Variants in BBS7 observed in about 807,000 individuals in gnomAD.
BBS7 encodes Bardet-Biedl syndrome 7, also known as BBSome complex member BBS7.
Under a neutral mutation model 90.3 loss-of-function variants are expected in BBS7, and 50 were observed. The ratio of observed to expected loss-of-function variants is 0.55; its 90% CI spans 0.44 to 0.70. The LOEUF is 0.70. Ranked by LOEUF, BBS7 falls within the 30% of genes least tolerant of loss-of-function variation. BBS7 has a pLI of 0.00. For synonymous variants in BBS7, 235 were observed against 287.4 expected (o/e 0.82, Z 1.85); for missense variants, 729 against 838.9 (o/e 0.87, Z 1.62).
At chr4:121,857,046 G>A (rs535877898) in intron 5 of BBS7, among the ~76,000 whole-genome samples, 1 of 152,164 alleles carries the variant, frequency 6.6e-6, no homozygotes, top group African/African-American at 2.4e-5. Flanking sequence ...TGGGATTACA[G>A]GCGTGAGCCA....
chr4:121,853,158 T>G, intron 7 of BBS7, 72 bp from the exon 8 acceptor site: 12 of 1,527,672 alleles, frequency 7.9e-6, no homozygotes, highest in Non-Finnish European at 1.1e-5. Flanking sequence ...CAAGTAAGAA[T>G]GAAAAAAACA....
At chr4:121,868,187 T>C (rs1727388821) in intron 1 of BBS7, 141 bp from the exon 2 acceptor site, 4 of 753,932 alleles carry the variant, frequency 5.3e-6, no homozygotes, top group Admixed American at 2.0e-5. Flanking sequence ...TAATGAGATA[T>C]GTCATATTAG....
intron 14 of BBS7, among the ~76,000 whole-genome samples, chr4:121,833,704 A>AT (rs1320317594): frequency 6.6e-6 from 1 of 151,878 alleles, no homozygotes; most frequent in African/African-American, 2.4e-5. Context: ...TAAAAAGTTT[A>AT]TTTTTTTATT....
At chr4:121,855,792 G>A (rs79065692) in intron 5 of BBS7, among the ~76,000 whole-genome samples, 6,534 of 114,084 alleles carry the variant, frequency 0.057, 461 homozygotes, top group African/African-American at 0.17. Context: ...ACATATATAC[G>A]TATATATACA....
intron 12 of BBS7, among the ~76,000 whole-genome samples, chr4:121,840,860 CAG>C (rs1401943496): frequency 1.4e-5 from 2 of 145,484 alleles, no homozygotes; most frequent in South Asian, 2.1e-4. Context: ...TTTTTTGAGA[CAG>C]AGTCTTGCTG....
intron 2 of BBS7, among the ~76,000 whole-genome samples, chr4:121,866,438 T>G (rs1484907030): frequency 6.6e-6 from 1 of 152,136 alleles, no homozygotes; most frequent in African/African-American, 2.4e-5. Context: ...AATTTTTTTG[T>G]ATTTCTAGTA....
At position 121,847,468 on chromosome 4, in the gene BBS7, C is replaced by T; in HGVS notation, c.973G>A (p.Glu325Lys). The change falls in exon 10 of 19, where the codon GAA becomes AAA. Residue 325 changes from glutamate to lysine, a missense_variant. By Grantham distance (56) the Glu-to-Lys change is moderately conservative. Transcript: ENST00000264499. The stretch of plus-strand genomic sequence containing the variant: ...TTTAGTTCTTCTCCTGGTCCACTTT[C>T]CTTATGAATGGGCTCTGTTGTCAGA... Reference protein sequence around the residue: ...TGLTTEPIHKESGPGEELKIN... With the variant: ...TGLTTEPIHKKSGPGEELKIN... The T allele has an allele frequency of 6.2e-7, 1 of 1,613,780 alleles. No individual in the cohort carries two copies. Among genetic ancestry groups the T allele is most frequent in the Non-Finnish European group, 8.5e-7 (1 of 1,179,830 alleles).
Position 121,846,680 on chromosome 4 carries a change from AT to A in BBS7, c.1037+723del, listed in dbSNP as rs139097670. Among the ~76,000 whole-genome samples, 423 of 152,314 alleles carry A rather than the reference AT, an allele frequency of 2.8e-3. 2 individuals are homozygous for A. Among genetic ancestry groups the A allele is most frequent in the African/African-American group, 9.8e-3 (406 of 41,572 alleles). The stretch of plus-strand genomic sequence containing the variant: ...ATCTGGTATACTTGTTTGCATGAAC[AT>A]TACAGTTTGCTCTCTGGTGGCTTTG... On this transcript the variant is annotated intron_variant, in intron 10 of 18. Coordinates refer to ENST00000264499, the MANE Select transcript of BBS7 (RefSeq NM_176824.3).
intron 8 of BBS7, among the ~76,000 whole-genome samples, chr4:121,849,594 C>T (rs142571205): frequency 0.044 from 6,625 of 152,126 alleles, 475 homozygotes; most frequent in African/African-American, 0.15. Context: ...TTTGGGAAGC[C>T]GAGGTGGGCG....
chr4:121,847,618 T>A (rs1349669065), intron 9 of BBS7, 112 bp from the exon 10 acceptor site: 1 of 779,856 alleles, frequency 1.3e-6, no homozygotes, highest in Non-Finnish European at 2.3e-6. Context: ...TCCACCAATA[T>A]CAGCCTAACT....
chr4:121,854,452 T>C (rs1050258324), intron 7 of BBS7, among the ~76,000 whole-genome samples: 1 of 152,146 alleles, frequency 6.6e-6, no homozygotes, highest in Admixed American at 6.5e-5. Context: ...CCAATTAAAA[T>C]TGGATTTTAG....
intron 15 of BBS7, among the ~76,000 whole-genome samples, chr4:121,829,237 C>CT (rs58186352): frequency 0.058 from 7,977 of 136,402 alleles, 748 homozygotes; most frequent in African/African-American, 0.19. Flanking sequence ...CATTATTTTT[C>CT]TTTTTTTTTT....
intron 4 of BBS7, among the ~76,000 whole-genome samples, chr4:121,860,123 A>T (rs1726896870): frequency 6.6e-6 from 1 of 152,044 alleles, no homozygotes; most frequent in African/African-American, 2.4e-5. Context: ...TCAGTTATTA[A>T]GTGGCCTCAC....
chr4:121,859,061 A>C lies in BBS7; in HGVS notation c.459T>G (p.Leu153=). The C allele has an allele frequency of 6.2e-7, 1 of 1,613,982 alleles. No individual in the cohort carries two copies. Among genetic ancestry groups the C allele is most frequent in the Non-Finnish European group, 8.5e-7 (1 of 1,179,892 alleles). ...TGATACGAGATAATCTTTCCACTGG[A>C]AGGCAGATCACATCATTGATTTTAT... ...SGDKINDVIC[L]PVERLSRITP... is the part of the protein sequence containing the mutation. Residue 153 remains leucine (L), a synonymous_variant, in exon 5 of 19, where the codon CTT becomes CTG. Transcript: ENST00000264499.
intron 2 of BBS7, among the ~76,000 whole-genome samples, chr4:121,865,944 G>A (rs2149092265): frequency 6.6e-6 from 1 of 152,048 alleles, no homozygotes; most frequent in South Asian, 2.1e-4. Context: ...ACTTCATTGT[G>A]GTTTGATTTG....
intron 5 of BBS7, chr4:121,858,580 C>T (rs1367185706): frequency 5.4e-6 from 1 of 185,772 alleles, no homozygotes; most frequent in Non-Finnish European, 1.1e-5. Context: ...ATTCCATATA[C>T]TTCCATAAAC....
rs748768695 is a variant in BBS7 at position 121,828,728 on chromosome 4, T to G, written c.1677A>C (p.Arg559Ser). ...CAGATTTAAAAACTCCCTCTCCTTT[T>G]CTATAAAATTAATATATTTTTTAAA... is the stretch of plus-strand genomic sequence containing the variant. Reference protein sequence around the residue: ...FLDTQLESTYRKGEGVFKSDN... With the variant: ...FLDTQLESTYSKGEGVFKSDN... Residue 559 changes from arginine (R) to serine (S), a missense_variant and splice_region_variant, in exon 16 of 19, where the codon AGA (arginine) becomes AGC (serine). By Grantham distance (110) the Arg-to-Ser change is moderately radical (BLOSUM62 -1). Transcript: ENST00000264499. 4 of 1,508,766 alleles carry G rather than the reference T, an allele frequency of 2.7e-6. No individual in the cohort carries two copies. In the South Asian group the frequency reaches 4.8e-5, roughly 18 times the overall value. 93.5% of individuals were successfully genotyped at this position (1,508,766 alleles called of 1,614,324 possible).
Position 121,848,865 on chromosome 4 carries a change from T to C in BBS7, c.913A>G (p.Ile305Val), listed in dbSNP as rs761989949. The C allele has an allele frequency of 6.2e-7, 1 of 1,613,858 alleles. No homozygotes were observed. The highest frequency in any genetic ancestry group is 8.5e-7 in the Non-Finnish European group (1 of 1,179,892). Residue 305 changes from isoleucine to valine, a missense_variant, in exon 9 of 19, where the codon ATC (isoleucine) becomes GTC (valine). Ile to Val is a conservative substitution (Grantham distance 29). Coordinates refer to ENST00000264499, the MANE Select transcript of BBS7 (RefSeq NM_176824.3). Reference protein sequence around the residue: ...GCVGKDSYDEIVVSTYSGWVT... With the variant: ...GCVGKDSYDEVVVSTYSGWVT... ...TTACCTGAATATGTGGACACCACGA[T>C]TTCATCATAGCTGTCTTTTCCTACA...
At chr4:121,863,641 A>T (rs1383925166) in intron 2 of BBS7, among the ~76,000 whole-genome samples, 1 of 151,640 alleles carries the variant, frequency 6.6e-6, no homozygotes, top group East Asian at 1.9e-4. Context: ...CTACAAAGTA[A>T]TTTTTTTTTC....
Sources: allele counts gnomAD v4.1 joint callset (sites outside exome capture counted in the v4.1 genomes callset), GRCh38; gene constraint gnomAD v4.1.1; transcripts MANE v1.5; gene names NCBI Gene and HGNC (gene_info 2026-07-23, HGNC 2026-07-21).